The following FIG4 variants were observed in gnomAD, a reference collection of about 807,000 sequenced individuals.
FIG4 encodes polyphosphoinositide phosphatase.
Under a neutral mutation model 118.6 loss-of-function variants are expected in FIG4, and 112 were observed. The observed-to-expected ratio is 0.94, with a 90% CI of 0.81 to 1.11. FIG4 has a LOEUF of 1.11. Among genes scored for constraint, FIG4 ranks in the 50% least tolerant of loss-of-function variants. The pLI is 0.00. For synonymous variants in FIG4, 369 were observed against 381.2 expected (o/e 0.97, Z 0.37); for missense variants, 969 against 1,111.7 (o/e 0.87, Z 1.83).
chr6:109,731,461 T>TAA (rs1315754868), intron 4 of FIG4, among the ~76,000 whole-genome samples: 3 of 152,132 alleles, frequency 2.0e-5, no homozygotes, highest in African/African-American at 7.2e-5. Flanking sequence ...AGACAATGGA[T>TAA]AAATAAAGTG....
intron 5 of FIG4, among the ~76,000 whole-genome samples, chr6:109,732,922 G>A (rs923257692): frequency 3.9e-5 from 6 of 151,930 alleles, no homozygotes; most frequent in African/African-American, 1.4e-4. Context: ...GTTGTTTTAG[G>A]TAGGACTTAA....
rs1267198458 is a variant in FIG4, at chr6:109,777,007, A to G, written c.1836A>G (p.Thr612=). 6.2e-7 allele frequency: 1 copy of G among 1,613,684 alleles called. No homozygotes were observed. Among genetic ancestry groups the G allele is most frequent in the African/African-American group, 1.3e-5 (1 of 74,908 alleles). The change falls in exon 16 of 23, where the codon ACA becomes ACG. Residue 612 remains threonine (T), a synonymous_variant. Coordinates refer to ENST00000230124, the MANE Select transcript of FIG4 (RefSeq NM_014845.6). ...AACCTCATCTCTGGGAGCTCCCAAC[A>G]GATTTTTATTTGCATCACAAAAATA... ...EGKPHLWELP[T]DFYLHHKNTM...
At chr6:109,786,597 G>C in intron 18 of FIG4, 148 bp downstream of exon 18, 1 of 796,504 alleles carries the variant, frequency 1.3e-6, no homozygotes, top group Non-Finnish European at 2.2e-6. Context: ...GTGATGGGGA[G>C]CCCACTACTT....
chr6:109,753,635 G>C (rs1000349345), intron 10 of FIG4, among the ~76,000 whole-genome samples: 13 of 152,050 alleles, frequency 8.5e-5, no homozygotes, highest in Admixed American at 5.2e-4. Flanking sequence ...GTGGTTTGTA[G>C]TCCTCCTTGA....
At chr6:109,728,633 A>G (rs565058450) in intron 4 of FIG4, among the ~76,000 whole-genome samples, 1 of 152,238 alleles carries the variant, frequency 6.6e-6, no homozygotes, top group East Asian at 1.9e-4. Context: ...GCTTTTGATG[A>G]TGATTTGGAA....
At chr6:109,758,529 A>G (rs987587058) in intron 10 of FIG4, among the ~76,000 whole-genome samples, 2 of 152,224 alleles carry the variant, frequency 1.3e-5, no homozygotes, top group Non-Finnish European at 2.9e-5. Context: ...AGGCAATACT[A>G]TTCAGGACAT....
intron 13 of FIG4, 82 bp from the exon 14 acceptor site, chr6:109,764,931 G>GTTTT: frequency 2.3e-6 from 3 of 1,302,606 alleles, no homozygotes; most frequent in East Asian, 2.4e-5. Context: ...TTTTGTTTTT[G>GTTTT]TTTCTTAAAG....
rs763496671 is a variant in FIG4 at position 109,792,625 on chromosome 6, CAGAT to C, written c.2421_2424del (p.Asp808AlafsTer39). The C allele has an allele frequency of 1.1e-5, 17 of 1,602,116 alleles. No individual in the cohort carries two copies. The South Asian group carries it at 1.9e-4, about 18-fold the overall frequency. On this transcript the variant is annotated frameshift_variant, in exon 21 of 23. Transcript: ENST00000230124. LOFTEE classifies it high-confidence loss of function. The stretch of plus-strand genomic sequence containing the variant: ...AAGGAGCTATATGGAATTAACCTCT[CAGAT>C]GGCCTCTCAGAAGAAGATTTCTCCA...
chr6:109,739,462 T>C, intron 7 of FIG4, among the ~76,000 whole-genome samples: 1 of 152,162 alleles, frequency 6.6e-6, no homozygotes, highest in Non-Finnish European at 1.5e-5. Context: ...GTTTGTACAT[T>C]TTCCCCCCAC....
rs181770535 is a variant in FIG4 at position 109,723,675 on chromosome 6, G to C, written c.290-3434G>C. Among the ~76,000 whole-genome samples the C allele has an allele frequency of 6.1e-4, 93 of 152,258 alleles. 1 individual carries two copies. Among genetic ancestry groups the C allele is most frequent in the African/African-American group, 2.1e-3 (87 of 41,542 alleles). ...TTTGGCCATAGTTGATTGGTCCTGGGCTGGGCCCCTGACCCAAGTTGGGTC... is the reference window on the plus strand; with the variant it reads ...TTTGGCCATAGTTGATTGGTCCTGGCCTGGGCCCCTGACCCAAGTTGGGTC... On this transcript the variant is annotated intron_variant, in intron 3 of 22. Coordinates refer to ENST00000230124, the MANE Select transcript of FIG4 (RefSeq NM_014845.6).
rs539145181 is a variant in FIG4, at chr6:109,737,974, C to T, written c.647-351C>T. 7.9e-5 allele frequency among the ~76,000 whole-genome samples: 12 copies of T among 152,240 alleles called. No homozygotes were observed. In the East Asian group the frequency reaches 2.3e-3, roughly 29 times the overall value. On this transcript the variant is annotated intron_variant, in intron 6 of 22. Transcript: ENST00000230124. ...ATCCAGGAACTTTGACCTCATAGCCCTGTGCTCAACCGCTACTTCCTGCCA... is the reference window on the plus strand; with the variant it reads ...ATCCAGGAACTTTGACCTCATAGCCTTGTGCTCAACCGCTACTTCCTGCCA...
Position 109,786,304 on chromosome 6 carries a change from A to T in FIG4, c.1951A>T (p.Ile651Phe), listed in dbSNP as rs1264413819. 6.2e-7 allele frequency: 1 copy of T among 1,611,658 alleles called. No individual in the cohort carries two copies. Among genetic ancestry groups the T allele is most frequent in the Non-Finnish European group, 8.5e-7 (1 of 1,177,968 alleles). Residue 651 changes from isoleucine to phenylalanine, a missense_variant and splice_region_variant, in exon 18 of 23, where the codon ATC (isoleucine) becomes TTC (phenylalanine). Ile to Phe is a conservative substitution (Grantham distance 21). Transcript: ENST00000230124. ...KHLPLPYDEV[I>F]CAVNLKKLIV... ...GTAACATGCAGTATCTCTCTTAGTT[A>T]TCTGTGCTGTGAACTTAAAGAAGTT...
At chr6:109,727,342 A>G in intron 4 of FIG4, 77 bp downstream of exon 4, 2 of 1,188,686 alleles carry the variant, frequency 1.7e-6, no homozygotes, top group Non-Finnish European at 2.5e-6. Flanking sequence ...AGGCTGGAAT[A>G]TAATGGCATG....
At chr6:109,820,781 C>G (rs1778983301) in intron 22 of FIG4, among the ~76,000 whole-genome samples, 1 of 152,140 alleles carries the variant, frequency 6.6e-6, no homozygotes, top group African/African-American at 2.4e-5. Flanking sequence ...AACCAGGCAC[C>G]TACAGACAAC....
intron 21 of FIG4, among the ~76,000 whole-genome samples, chr6:109,795,094 AGTTT>A (rs1778240272): frequency 1.3e-5 from 1 of 77,190 alleles, no homozygotes; most frequent in African/African-American, 3.9e-5. Context: ...TACACTTGCC[AGTTT>A]TTTTTTTTTT....
chr6:109,733,238 T>C (rs1452814565), intron 5 of FIG4, among the ~76,000 whole-genome samples: 2 of 152,128 alleles, frequency 1.3e-5, no homozygotes, highest in Non-Finnish European at 2.9e-5. Flanking sequence ...TTATTGCTTC[T>C]CTATTTATAA....
At chr6:109,729,335 A>G (rs1321659876) in intron 4 of FIG4, among the ~76,000 whole-genome samples, 2 of 152,218 alleles carry the variant, frequency 1.3e-5, no homozygotes, top group Non-Finnish European at 2.9e-5. Flanking sequence ...TAATCTGATA[A>G]ATGATACCTA....
chr6:109,715,427 A>G lies in FIG4; in HGVS notation c.165+251A>G, dbSNP rs1340213524. ...TTCGAAAACACACTCTTAGGATAAGATAATGAGTATTGTTTCTTAAAGAGG... is the reference window on the plus strand; with the variant it reads ...TTCGAAAACACACTCTTAGGATAAGGTAATGAGTATTGTTTCTTAAAGAGG... On this transcript the variant is annotated intron_variant, in intron 2 of 22. Transcript: ENST00000230124. Among the ~76,000 whole-genome samples the G allele has an allele frequency of 2.6e-5, 4 of 151,650 alleles. No homozygotes were observed. In the East Asian group the frequency reaches 8.4e-4, roughly 32 times the overall value.
chr6:109,762,814 CAG>C (rs1327508782), intron 12 of FIG4, among the ~76,000 whole-genome samples: 1 of 152,096 alleles, frequency 6.6e-6, no homozygotes, highest in Non-Finnish European at 1.5e-5. Context: ...GTACCCATGA[CAG>C]GGGTCCCCCA....
Sources: gnomAD v4.1 joint callset for allele counts (sites outside exome capture counted in the v4.1 genomes callset) on GRCh38, gnomAD v4.1.1 for gene constraint, MANE v1.5 for transcripts, NCBI Gene and HGNC (gene_info 2026-07-23, HGNC 2026-07-21) for gene names.